The following ADGRE3 variants were observed in gnomAD, a reference collection of about 807,000 sequenced individuals.
ADGRE3 encodes adhesion G protein-coupled receptor E3.
Under a neutral mutation model 80.1 loss-of-function variants are expected in ADGRE3, and 88 were observed. The ratio of observed to expected loss-of-function variants is 1.10; its 90% CI spans 0.93 to 1.31. ADGRE3 has a LOEUF of 1.31. Among genes scored for constraint, ADGRE3 ranks in the 40% most tolerant of loss-of-function variants. The pLI is 0.00. For missense variants in ADGRE3, 715 were observed against 776.5 expected (o/e 0.92, Z 0.94); for synonymous variants, 281 against 294.8 (o/e 0.95, Z 0.48).
At chr19:14,611,726 G>T in the ADGRE3 span, among the ~76,000 whole-genome samples, 1 of 152,106 alleles carries the variant, frequency 6.6e-6, no homozygotes, top group Admixed American at 6.6e-5. Flanking sequence ...TACTTGCCAG[G>T]CACAGTGGCT....
chr19:14,650,642 TCTCTCTC>T (rs1971574964), intron 7 of ADGRE3, among the ~76,000 whole-genome samples: 8 of 87,378 alleles, frequency 9.2e-5, no homozygotes, highest in African/African-American at 2.7e-4. Flanking sequence ...TCTCTCTCTC[TCTCTCTC>T]TCTCTCTCTC....
At chr19:14,618,496 G>C (rs2075096218), downstream of ADGRE3, among the ~76,000 whole-genome samples, 1 of 151,996 alleles carries the variant, frequency 6.6e-6, no homozygotes, top group African/African-American at 2.4e-5. Context: ...AGAGGTTGCA[G>C]TGAGCCTAGA....
At chr19:14,614,277 T>C (rs2075063351), downstream of ADGRE3, among the ~76,000 whole-genome samples, 1 of 152,130 alleles carries the variant, frequency 6.6e-6, no homozygotes, top group South Asian at 2.1e-4. Context: ...AAGAGGGAAG[T>C]TGTTTTCTGA....
the ADGRE3 span, among the ~76,000 whole-genome samples, chr19:14,602,199 T>C: frequency 1.3e-5 from 2 of 151,814 alleles, no homozygotes; most frequent in African/African-American, 4.9e-5. Context: ...ATATTTAAAA[T>C]GTTTTTTTTT....
intron 6 of ADGRE3, 99 bp downstream of exon 6, chr19:14,654,882 GA>G: frequency 1.2e-6 from 1 of 817,492 alleles, no homozygotes; most frequent in East Asian, 2.7e-5. Flanking sequence ...TACATAAAGG[GA>G]CTCATGTGGT....
chr19:14,638,024 A>G (rs1235129616), intron 11 of ADGRE3, 81 bp downstream of exon 11: 1 of 996,686 alleles, frequency 1.0e-6, no homozygotes, highest in Non-Finnish European at 1.6e-6. Flanking sequence ...GGTTACGTAT[A>G]TTCCCACCAT....
intron 14 of ADGRE3, among the ~76,000 whole-genome samples, chr19:14,627,552 A>G (rs1349937317): frequency 2.0e-5 from 3 of 151,892 alleles, no homozygotes; most frequent in African/African-American, 7.2e-5. Flanking sequence ...TAATGTTTGT[A>G]TTGTTTAGTA....
chr19:14,654,265 T>TG (rs1290235694), intron 6 of ADGRE3, among the ~76,000 whole-genome samples: 3 of 150,828 alleles, frequency 2.0e-5, no homozygotes, highest in Non-Finnish European at 1.5e-5. Flanking sequence ...AAACCTGTTT[T>TG]TTTTTTTTTT....
intron 15 of ADGRE3, among the ~76,000 whole-genome samples, chr19:14,620,240 T>TG (rs1324623268): frequency 6.6e-6 from 1 of 151,600 alleles, no homozygotes; most frequent in African/African-American, 2.4e-5. Context: ...TCTGTAGAGA[T>TG]GGGGTCTTAT....
chr19:14,624,698 T>A (rs1389959262), intron 15 of ADGRE3, among the ~76,000 whole-genome samples: 1 of 149,050 alleles, frequency 6.7e-6, no homozygotes, highest in Non-Finnish European at 1.5e-5. Flanking sequence ...GAAACCGCAG[T>A]AAGCTATGAT....
intron 15 of ADGRE3, among the ~76,000 whole-genome samples, chr19:14,624,078 G>A (rs1034272660): frequency 7.4e-5 from 11 of 147,954 alleles, no homozygotes; most frequent in African/African-American, 2.5e-4. Context: ...GGACTACAAC[G>A]CCACCACACC....
intron 14 of ADGRE3, among the ~76,000 whole-genome samples, chr19:14,629,320 A>G (rs909370230): frequency 6.6e-6 from 1 of 152,118 alleles, no homozygotes; most frequent in African/African-American, 2.4e-5. Flanking sequence ...GTTGGAAAAA[A>G]AATAATTCAT....
At chr19:14,662,736 A>G (rs1009575586) in intron 3 of ADGRE3, among the ~76,000 whole-genome samples, 6 of 151,682 alleles carry the variant, frequency 4.0e-5, no homozygotes, top group African/African-American at 1.5e-4. Context: ...AACAGCCCCC[A>G]TTTTGCCTCC....
the ADGRE3 span, among the ~76,000 whole-genome samples, chr19:14,609,864 A>G: frequency 1.4e-5 from 2 of 141,316 alleles, no homozygotes; most frequent in African/African-American, 2.7e-5. Flanking sequence ...AAAACAAAAA[A>G]CCCCCCAAAA....
Position 14,620,566 on chromosome 19 carries a change from A to T in ADGRE3, c.1921-1095T>A, listed in dbSNP as rs1346078035. Among the ~76,000 whole-genome samples, 111 of 16,018 alleles carry T rather than the reference A, an allele frequency of 6.9e-3. 11 individuals are homozygous for T. Among genetic ancestry groups the T allele is most frequent in the African/African-American group, 0.014 (57 of 4,066 alleles). The allele number at this position is 16,018 out of a possible 152,430, so 10.5% of individuals were successfully genotyped here. The stretch of plus-strand genomic sequence containing the variant: ...ATATATATTATATATATATATATAT[A>T]TATTTTTTTTTTTTTTTTTTTTTTT... On this transcript the variant is annotated intron_variant, in intron 15 of 15. Transcript: ENST00000253673.
chr19:14,640,882 G>C (rs985181562), intron 10 of ADGRE3, among the ~76,000 whole-genome samples: 4 of 152,102 alleles, frequency 2.6e-5, no homozygotes, highest in African/African-American at 9.7e-5. Context: ...CATGTAAGAA[G>C]TGCCTTTCGC....
At chr19:14,643,071 C>T (rs1388380781) in intron 9 of ADGRE3, among the ~76,000 whole-genome samples, 4 of 151,682 alleles carry the variant, frequency 2.6e-5, no homozygotes, top group African/African-American at 9.7e-5. Flanking sequence ...TTTTTTTCTG[C>T]TACCTCACCA....
At chr19:14,618,781 G>A (rs749839412), downstream of ADGRE3, among the ~76,000 whole-genome samples, 8 of 145,086 alleles carry the variant, frequency 5.5e-5, no homozygotes, top group East Asian at 2.0e-4. Flanking sequence ...GCTTGAACCC[G>A]GGAGGCAGAG....
chr19:14,608,800 A>AT, the ADGRE3 span, among the ~76,000 whole-genome samples: 35,302 of 131,316 alleles, frequency 0.27, 4,942 homozygotes, highest in African/African-American at 0.33. Context: ...TGCCTGGCTA[A>AT]TTTTTTTTTT....
Sources: allele counts gnomAD v4.1 joint callset (sites outside exome capture counted in the v4.1 genomes callset), GRCh38; gene constraint gnomAD v4.1.1; transcripts MANE v1.5; gene names NCBI Gene and HGNC (gene_info 2026-07-23, HGNC 2026-07-21).